LINGO2: variants seen among roughly 807,000 people sequenced by gnomAD.
LINGO2 encodes leucine-rich repeat and immunoglobulin-like domain-containing nogo receptor-interacting protein 2.
LINGO2 carries 14 observed loss-of-function variants against 30.6 expected under a neutral mutation model. That is an observed-to-expected ratio of 0.46 (90% CI 0.30 to 0.72). LINGO2 has a LOEUF of 0.72. Ranked by LOEUF, LINGO2 falls within the 30% of genes least tolerant of loss-of-function variation. LINGO2 has a pLI of 0.07. For synonymous variants in LINGO2, 317 were observed against 288.5 expected, an observed-to-expected ratio of 1.10 and a Z score of -1.00; for missense variants, 729 against 751.7, an observed-to-expected ratio of 0.97 and a Z score of 0.35.
the LINGO2 span, among the ~76,000 whole-genome samples, chr9:28,971,037 C>A: frequency 1.8e-4 from 27 of 152,220 alleles, no homozygotes; most frequent in African/African-American, 6.3e-4. Context: ...TTCTTGGATA[C>A]CAGCTCAGCC....
At chr9:28,632,157 A>G (rs1215252572) in intron 1 of LINGO2, among the ~76,000 whole-genome samples, 1 of 152,148 alleles carries the variant, frequency 6.6e-6, no homozygotes, top group Non-Finnish European at 1.5e-5. Flanking sequence ...GTAGAAGAGC[A>G]AACACGTTCA....
chr9:28,058,379 A>G (rs369397166), intron 4 of LINGO2, among the ~76,000 whole-genome samples: 2 of 152,136 alleles, frequency 1.3e-5, no homozygotes, highest in South Asian at 4.1e-4. Context: ...ATATATGGTC[A>G]CTCATACATA....
intron 4 of LINGO2, among the ~76,000 whole-genome samples, chr9:28,032,036 AG>A (rs1383072558): frequency 9.7e-6 from 1 of 103,202 alleles, no homozygotes; most frequent in Non-Finnish European, 1.9e-5. Flanking sequence ...ACTCAAAATG[AG>A]GGGTGGGGGG....
the LINGO2 span, among the ~76,000 whole-genome samples, chr9:28,973,663 T>C: frequency 6.6e-6 from 1 of 152,196 alleles, no homozygotes; most frequent in East Asian, 1.9e-4. Flanking sequence ...CAATTAAACC[T>C]CTTTCCTTTA....
the LINGO2 span, among the ~76,000 whole-genome samples, chr9:28,972,998 T>TA: frequency 6.6e-6 from 1 of 150,890 alleles, no homozygotes. Context: ...GGAGACAAAA[T>TA]AAAAAAGAAT....
rs959520914 is a variant in LINGO2, at chr9:28,639,667, T to G, written c.-365+30533A>C. Reference sequence around the variant, plus strand: ...CCCCTGCCTTCTTTTGTTTTCCATTTGCTTGGTAGATCTTCCTCCATCCCT... The same window carrying G: ...CCCCTGCCTTCTTTTGTTTTCCATTGGCTTGGTAGATCTTCCTCCATCCCT... On this transcript the variant is annotated intron_variant, in intron 1 of 5. Coordinates refer to ENST00000379992, the Ensembl canonical transcript of LINGO2. 1.7e-3 allele frequency among the ~76,000 whole-genome samples: 257 copies of G among 152,294 alleles called. 1 individual carries two copies. Among genetic ancestry groups the G allele is most frequent in the African/African-American group, 5.7e-3 (238 of 41,566 alleles).
intron 4 of LINGO2, among the ~76,000 whole-genome samples, chr9:28,028,956 C>T (rs547758015): frequency 4.6e-5 from 7 of 152,102 alleles, no homozygotes; most frequent in Non-Finnish European, 1.0e-4. Context: ...CCCAAGGCAA[C>T]CATCAAACAC....
intron 5 of LINGO2, among the ~76,000 whole-genome samples, chr9:28,000,725 G>A (rs992338536): frequency 2.6e-5 from 4 of 152,172 alleles, no homozygotes; most frequent in Admixed American, 1.3e-4. Context: ...GGCACTACCC[G>A]AAAGTTGACA....
the LINGO2 span, among the ~76,000 whole-genome samples, chr9:29,051,810 C>T: frequency 6.6e-6 from 1 of 152,190 alleles, no homozygotes; most frequent in East Asian, 1.9e-4. Context: ...CCACCCATTA[C>T]TAATTTTGTG....
At chr9:28,018,035 G>A (rs1822928096) in intron 4 of LINGO2, among the ~76,000 whole-genome samples, 1 of 152,044 alleles carries the variant, frequency 6.6e-6, no homozygotes, top group Non-Finnish European at 1.5e-5. Flanking sequence ...ACAGAATAGA[G>A]CGCCTGAAAA....
intron 4 of LINGO2, among the ~76,000 whole-genome samples, chr9:28,259,146 T>A (rs1262418043): frequency 6.6e-6 from 1 of 151,924 alleles, no homozygotes; most frequent in Non-Finnish European, 1.5e-5. Flanking sequence ...GCTTATTTGA[T>A]CTCCCCAGTA....
chr9:28,267,136 C>A (rs981974684), intron 4 of LINGO2, among the ~76,000 whole-genome samples: 9 of 151,942 alleles, frequency 5.9e-5, no homozygotes, highest in African/African-American at 2.2e-4. Flanking sequence ...TATGTCTTTC[C>A]TGCTATAGCA....
At chr9:28,040,602 G>T (rs10491828) in intron 4 of LINGO2, among the ~76,000 whole-genome samples, 9,394 of 151,962 alleles carry the variant, frequency 0.062, 338 homozygotes, top group East Asian at 0.15. Context: ...CTAACTGAGC[G>T]CTATCAACTT....
At chr9:28,983,723 G>C in the LINGO2 span, among the ~76,000 whole-genome samples, 1 of 151,794 alleles carries the variant, frequency 6.6e-6, no homozygotes, top group African/African-American at 2.4e-5. Flanking sequence ...ACAGTACCTA[G>C]TCCAAAATAT....
chr9:28,540,443 G>A (rs1366629315), intron 1 of LINGO2, among the ~76,000 whole-genome samples: 4 of 151,952 alleles, frequency 2.6e-5, no homozygotes, highest in Admixed American at 2.0e-4. Flanking sequence ...GTATTTTTTT[G>A]TAGAGACAGG....
chr9:28,054,128 A>T (rs1824807109), intron 4 of LINGO2, among the ~76,000 whole-genome samples: 1 of 152,054 alleles, frequency 6.6e-6, no homozygotes, highest in South Asian at 2.1e-4. Context: ...TAAAAGTCAA[A>T]ATGTTGAGAC....
the LINGO2 span, among the ~76,000 whole-genome samples, chr9:28,894,788 A>T: frequency 6.6e-6 from 1 of 152,116 alleles, no homozygotes; most frequent in South Asian, 2.1e-4. Flanking sequence ...TTGAAATACG[A>T]GTACATTGTT....
chr9:29,081,546 A>T, the LINGO2 span, among the ~76,000 whole-genome samples: 1 of 152,060 alleles, frequency 6.6e-6, no homozygotes, highest in Non-Finnish European at 1.5e-5. Context: ...CTCTCTCACC[A>T]CTCCTATTCA....
At chr9:28,753,057 T>C in the LINGO2 span, among the ~76,000 whole-genome samples, 10,065 of 152,030 alleles carry the variant, frequency 0.066, 499 homozygotes, top group South Asian at 0.21. Context: ...TTGATTTTTT[T>C]ATGGTATTAT....
Sources: gnomAD v4.1 joint callset for allele counts (sites outside exome capture counted in the v4.1 genomes callset) on GRCh38, gnomAD v4.1.1 for gene constraint, MANE v1.5 for transcripts, NCBI Gene and HGNC (gene_info 2026-07-23, HGNC 2026-07-21) for gene names.